The following RUNX2 variants were observed in gnomAD, a reference collection of about 807,000 sequenced individuals.
The protein encoded by RUNX2 is runt-related transcription factor 2.
In RUNX2, 10 loss-of-function variants were observed where a neutral mutation model predicts 51.7. That is an observed-to-expected ratio of 0.19 (90% CI 0.12 to 0.33). The LOEUF is 0.33. Among genes scored for constraint, RUNX2 ranks in the 10% least tolerant of loss-of-function variants. RUNX2 has a pLI of 1.00. For synonymous variants in RUNX2, 276 were observed against 273.6 expected, an observed-to-expected ratio of 1.01 and a Z score of -0.09; for missense variants, 562 against 691.3, an observed-to-expected ratio of 0.81 and a Z score of 2.10.
chr6:45,388,416 G>A (rs575753618), intron 2 of RUNX2, among the ~76,000 whole-genome samples: 27 of 152,312 alleles, frequency 1.8e-4, no homozygotes, highest in African/African-American at 5.5e-4. Context: ...TACAGCAGTG[G>A]CTTTAAAAGT....
chr6:45,480,845 T>C (rs949678637), intron 5 of RUNX2, among the ~76,000 whole-genome samples: 1 of 152,226 alleles, frequency 6.6e-6, no homozygotes, highest in Non-Finnish European at 1.5e-5. Context: ...CTCCGCCTCC[T>C]TTTTTCTGTC....
chr6:45,533,566 G>T lies in RUNX2; in HGVS notation c.1022-11651G>T, dbSNP rs1357477064. Among the ~76,000 whole-genome samples the T allele has an allele frequency of 2.0e-5, 3 of 152,204 alleles. No individual in the cohort carries two copies. The East Asian group carries it at 5.8e-4, about 29-fold the overall frequency. On this transcript the variant is annotated intron_variant, in intron 7 of 8. Transcript: ENST00000647337. Reference sequence around the variant, plus strand: ...TGAGTTAATTCTGTGTGCAGGGCTTGAGTGGAAAAACGCTGAGACTGTCAG... The same window carrying T: ...TGAGTTAATTCTGTGTGCAGGGCTTTAGTGGAAAAACGCTGAGACTGTCAG...
At chr6:45,462,298 T>C (rs561943784) in intron 5 of RUNX2, among the ~76,000 whole-genome samples, 10 of 152,330 alleles carry the variant, frequency 6.6e-5, no homozygotes, top group African/African-American at 2.2e-4. Context: ...GGGGGCGGCA[T>C]TGGTACTCCA....
chr6:45,416,678 G>A (rs1201639251), intron 2 of RUNX2, among the ~76,000 whole-genome samples: 2 of 152,206 alleles, frequency 1.3e-5, no homozygotes, highest in African/African-American at 2.4e-5. Context: ...CCTGGGTAAT[G>A]AATTAGGCTC....
chr6:45,521,021 T>C (rs6930053), intron 7 of RUNX2, among the ~76,000 whole-genome samples: 99,783 of 152,114 alleles, frequency 0.66, 33,648 homozygotes, highest in African/African-American at 0.82. Context: ...CAGCCCATAT[T>C]GTCCTTTAGC....
intron 2 of RUNX2, among the ~76,000 whole-genome samples, chr6:45,416,464 A>T (rs1377889147): frequency 6.6e-6 from 1 of 152,228 alleles, no homozygotes; most frequent in Admixed American, 6.5e-5. Flanking sequence ...TAAAGGCAAT[A>T]TGTGAGCAGC....
At chr6:45,367,658 C>T (rs950704404) in intron 2 of RUNX2, among the ~76,000 whole-genome samples, 4 of 152,264 alleles carry the variant, frequency 2.6e-5, no homozygotes, top group Admixed American at 2.6e-4. Flanking sequence ...TAAGTAGTAA[C>T]CCCAGCCTCC....
At chr6:45,333,956 T>C (rs893064015) in intron 2 of RUNX2, among the ~76,000 whole-genome samples, 1 of 151,282 alleles carries the variant, frequency 6.6e-6, no homozygotes, top group Non-Finnish European at 1.5e-5. Flanking sequence ...CTCTGACATA[T>C]ATACATACGC....
intron 2 of RUNX2, among the ~76,000 whole-genome samples, chr6:45,331,664 A>C (rs907940970): frequency 1.8e-4 from 28 of 152,100 alleles, no homozygotes; most frequent in African/African-American, 6.7e-4. Flanking sequence ...TTTTATTTTT[A>C]AAAAATGTTT....
Position 45,493,517 on chromosome 6 carries a change from G to C in RUNX2, c.859+1403G>C, listed in dbSNP as rs182513567. On this transcript the variant is annotated intron_variant, in intron 6 of 8. Transcript: ENST00000647337. ...CAAAAGATGGGAGAGTGGGGGGGCG[G>C]TGGTGAGGGTTGAAAAATGACCCTT... 2.1e-4 allele frequency among the ~76,000 whole-genome samples: 32 copies of C among 152,194 alleles called. No homozygotes were observed. The East Asian group carries it at 3.9e-3, about 18-fold the overall frequency.
intron 5 of RUNX2, among the ~76,000 whole-genome samples, chr6:45,456,703 T>C (rs969108608): frequency 2.6e-5 from 4 of 152,218 alleles, no homozygotes; most frequent in Non-Finnish European, 5.9e-5. Context: ...ATGTATACCT[T>C]AGCAAAGGAT....
intron 6 of RUNX2, among the ~76,000 whole-genome samples, chr6:45,493,598 C>T (rs188378272): frequency 6.6e-6 from 1 of 152,020 alleles, no homozygotes; most frequent in African/African-American, 2.4e-5. Flanking sequence ...GACTTCACCT[C>T]TATGCACTAT....
chr6:45,546,772 T>C (rs1802413098), intron 8 of RUNX2, 55 bp from the exon 9 acceptor site: 1 of 1,374,912 alleles, frequency 7.3e-7, no homozygotes, highest in African/African-American at 1.4e-5. Flanking sequence ...AATTCTATCA[T>C]TATTTTAATT....
At chr6:45,336,183 C>CT (rs11412392) in intron 2 of RUNX2, among the ~76,000 whole-genome samples, 19,817 of 151,218 alleles carry the variant, frequency 0.13, 1,526 homozygotes, top group East Asian at 0.26. Flanking sequence ...AGAAGGAAAA[C>CT]TTAACATTTT....
At chr6:45,502,275 G>A (rs560878581) in intron 6 of RUNX2, among the ~76,000 whole-genome samples, 31 of 152,194 alleles carry the variant, frequency 2.0e-4, no homozygotes, top group Admixed American at 5.9e-4. Flanking sequence ...TCTTATGCAC[G>A]TTTGTTCTGC....
At chr6:45,369,211 T>C (rs1795639101) in intron 2 of RUNX2, among the ~76,000 whole-genome samples, 2 of 152,046 alleles carry the variant, frequency 1.3e-5, no homozygotes, top group Non-Finnish European at 2.9e-5. Context: ...CAAATCAAAC[T>C]TTCACTATCT....
intron 6 of RUNX2, among the ~76,000 whole-genome samples, chr6:45,502,183 A>G (rs1385548383): frequency 2.0e-5 from 3 of 152,114 alleles, no homozygotes; most frequent in African/African-American, 7.2e-5. Flanking sequence ...GATGTCATTT[A>G]TCTTGGAGCA....
At chr6:45,478,079 TTCTTTAAGTC>T (rs1800006623) in intron 5 of RUNX2, among the ~76,000 whole-genome samples, 2 of 152,164 alleles carry the variant, frequency 1.3e-5, no homozygotes. Flanking sequence ...ATTCTACTCA[TTCTTTAAGTC>T]TACTCAAACG....
In RUNX2 at chr6:45,414,330, A is replaced by G. The variant is rs367931496; in HGVS notation, c.59-8263A>G. ...CAAGCCAACTTCACTTCTCCACTATATTACAATATTCCCTTCTAGACAGAA... is the reference window on the plus strand; with the variant it reads ...CAAGCCAACTTCACTTCTCCACTATGTTACAATATTCCCTTCTAGACAGAA... On this transcript the variant is annotated intron_variant, in intron 2 of 8. Coordinates refer to ENST00000647337, the MANE Select transcript of RUNX2 (RefSeq NM_001024630.4). 2.6e-5 allele frequency among the ~76,000 whole-genome samples: 4 copies of G among 152,232 alleles called. No homozygotes were observed. In the South Asian group the frequency reaches 8.3e-4, roughly 32 times the overall value.
Sources: allele counts gnomAD v4.1 joint callset (sites outside exome capture counted in the v4.1 genomes callset), GRCh38; gene constraint gnomAD v4.1.1; transcripts MANE v1.5; gene names NCBI Gene and HGNC (gene_info 2026-07-23, HGNC 2026-07-21).